The following CDHR2 variants were observed in gnomAD, a reference collection of about 807,000 sequenced individuals.
CDHR2 encodes cadherin-related family member 2.
In CDHR2, 104 loss-of-function variants were observed where a neutral mutation model predicts 138.6. The ratio of observed to expected loss-of-function variants is 0.75; its 90% CI spans 0.64 to 0.88. CDHR2 has a LOEUF of 0.88. Among genes scored for constraint, CDHR2 ranks in the 40% least tolerant of loss-of-function variants. CDHR2 has a pLI of 0.00. For missense variants in CDHR2, 1,624 were observed against 1,727.6 expected (o/e 0.94, Z 1.06); for synonymous variants, 755 against 742.8 (o/e 1.02, Z -0.27).
intron 16 of CDHR2, 61 bp from the exon 17 acceptor site, chr5:176,581,282 C>T (rs965709291): frequency 3.1e-5 from 49 of 1,596,398 alleles, no homozygotes; most frequent in Non-Finnish European, 3.7e-5. Context: ...CCGGCTGCAT[C>T]GGAGGGGCTG....
At position 176,577,638 on chromosome 5, in the gene CDHR2, T is replaced by C. The variant is rs764731410; in HGVS notation, c.1352T>C (p.Val451Ala). Residue 451 changes from valine (V) to alanine (A), a missense_variant and splice_region_variant, in exon 14 of 32, where the codon GTT becomes GCT. Val to Ala is a moderately conservative substitution (Grantham distance 64, BLOSUM62 0). Transcript: ENST00000261944. The part of the protein sequence containing the change: ...YERQTAMAVQ[V>A]VATDSVSQNF... Reference sequence around the variant, plus strand: ...TGCTGCCTCCTCCCCTGCCCCCAGGTTGTGGCCACAGACTCCGTCAGCCAG... The same window carrying C: ...TGCTGCCTCCTCCCCTGCCCCCAGGCTGTGGCCACAGACTCCGTCAGCCAG... 7.4e-6 allele frequency: 12 copies of C among 1,614,002 alleles called. No individual in the cohort carries two copies. The Admixed American group carries it at 1.0e-4, about 13-fold the overall frequency.
At chr5:176,586,292 T>C (rs1306678103) in intron 20 of CDHR2, among the ~76,000 whole-genome samples, 4 of 152,132 alleles carry the variant, frequency 2.6e-5, no homozygotes, top group African/African-American at 9.7e-5. Flanking sequence ...GCCTCCCAGG[T>C]TCAAGCAATT....
chr5:176,578,613 G>A lies in CDHR2; in HGVS notation c.1818+5G>A, dbSNP rs778488703. On this transcript the variant is annotated splice_donor_5th_base_variant and intron_variant, in intron 16 of 31. Transcript: ENST00000261944. ...AATGTCTCCGTGACCATCCAGGTGT[G>A]AGCCTGCCTGGACCTGGTGGGTAAG... is the stretch of plus-strand genomic sequence containing the variant. The A allele has an allele frequency of 2.5e-6, 4 of 1,608,352 alleles. No individual in the cohort carries two copies. The East Asian group carries it at 6.7e-5, about 27-fold the overall frequency.
At position 176,589,370 on chromosome 5, in the gene CDHR2, C is replaced by A. The variant is rs1482591640; in HGVS notation, c.3049C>A (p.Gln1017Lys). Residue 1017 changes from glutamine (Q) to lysine (K), a missense_variant, in exon 23 of 32, where the codon CAA becomes AAA. Physicochemically the swap from Gln to Lys is moderately conservative, Grantham distance 53 (BLOSUM62 1). Coordinates refer to ENST00000261944, the MANE Select transcript of CDHR2 (RefSeq NM_017675.6). The part of the protein sequence containing the change: ...SLDSTLQGTY[Q>K]VTVQARDRPS... The stretch of plus-strand genomic sequence containing the variant: ...CGACTCCACTCTCCAAGGCACCTAC[C>A]AAGTGACAGTCCAGGCCAGGGACAG... 1.3e-6 allele frequency: 2 copies of A among 1,559,666 alleles called. No individual in the cohort carries two copies. The highest frequency in any genetic ancestry group is 4.5e-5 in the East Asian group (2 of 44,484).
rs1390736724 is a variant in CDHR2 at position 176,553,309 on chromosome 5, C to G, written c.-16+3895C>G. 6.6e-6 allele frequency among the ~76,000 whole-genome samples: 1 copy of G among 152,204 alleles called. No homozygotes were observed. The highest frequency in any genetic ancestry group is 1.5e-5 in the Non-Finnish European group (1 of 68,034). On this transcript the variant is annotated intron_variant, in intron 1 of 31. Transcript: ENST00000261944. The surrounding 1 kb of genome is among the most constrained non-coding windows in gnomAD (Gnocchi z 4.3). The stretch of plus-strand genomic sequence containing the variant: ...TACTGGCTGGGCCGCGCCCTTTCCC[C>G]TCTTGGACGTCAGTTTGCTGAGGAC...
At chr5:176,593,192 G>C (rs1007775417) in intron 31 of CDHR2, among the ~76,000 whole-genome samples, 11 of 152,240 alleles carry the variant, frequency 7.2e-5, no homozygotes, top group African/African-American at 2.7e-4. Flanking sequence ...GTCTAGCAAA[G>C]GAGAGAAGAT....
intron 16 of CDHR2, among the ~76,000 whole-genome samples, chr5:176,579,928 T>A (rs911861510): frequency 1.3e-5 from 2 of 152,118 alleles, no homozygotes; most frequent in Non-Finnish European, 2.9e-5. Context: ...CTGTGCTATG[T>A]TGAGGCCCAG....
upstream of CDHR2, among the ~76,000 whole-genome samples, chr5:176,549,024 G>A (rs569869174): frequency 6.6e-6 from 1 of 152,318 alleles, no homozygotes; most frequent in Non-Finnish European, 1.5e-5. Context: ...ACTCGTAGCA[G>A]GGAGGGGACG....
At chr5:176,588,616 TAA>T (rs1758748451) in intron 21 of CDHR2, among the ~76,000 whole-genome samples, 1 of 140,914 alleles carries the variant, frequency 7.1e-6, no homozygotes, top group Non-Finnish European at 1.5e-5. Flanking sequence ...CATATGTGTG[TAA>T]GTGTGTGTTA....
chr5:176,594,744 G>A (rs140848609), intron 31 of CDHR2, among the ~76,000 whole-genome samples: 3 of 152,334 alleles, frequency 2.0e-5, no homozygotes, highest in African/African-American at 7.2e-5. Context: ...AGCCCTTGGA[G>A]TGCCCTGGGG....
intron 3 of CDHR2, among the ~76,000 whole-genome samples, chr5:176,566,694 A>G (rs896519015): frequency 6.6e-6 from 1 of 152,224 alleles, no homozygotes; most frequent in African/African-American, 2.4e-5. Flanking sequence ...CTCAGACGAG[A>G]AACCATTCCA....
chr5:176,558,772 G>A (rs1382166454), intron 1 of CDHR2, among the ~76,000 whole-genome samples: 9 of 149,744 alleles, frequency 6.0e-5, no homozygotes, highest in Admixed American at 2.0e-4. Context: ...CGCCCACCTC[G>A]GCCTCCCAAA....
upstream of CDHR2, among the ~76,000 whole-genome samples, chr5:176,545,445 A>C (rs572759305): frequency 6.6e-6 from 1 of 152,260 alleles, no homozygotes; most frequent in Non-Finnish European, 1.5e-5. Context: ...CTCGGCCGAG[A>C]AGTTTTTCTG....
At position 176,593,434 on chromosome 5, in the gene CDHR2, G is replaced by A. The variant is rs947146232; in HGVS notation, c.3792+654G>A. Reference sequence around the variant, plus strand: ...TGGGCATGGACCTGTTGTAAAAGCCGCTCAGGGGGTGCTAAGGTGCAGGCA... The same window carrying A: ...TGGGCATGGACCTGTTGTAAAAGCCACTCAGGGGGTGCTAAGGTGCAGGCA... On this transcript the variant is annotated intron_variant, in intron 31 of 31. Transcript: ENST00000261944. 5.9e-5 allele frequency among the ~76,000 whole-genome samples: 9 copies of A among 152,180 alleles called. No individual in the cohort carries two copies. The South Asian group carries it at 1.2e-3, about 21-fold the overall frequency.
intron 6 of CDHR2, among the ~76,000 whole-genome samples, chr5:176,572,725 C>G (rs371149580): frequency 1.3e-5 from 2 of 152,214 alleles, no homozygotes; most frequent in Admixed American, 1.3e-4. Context: ...CCTGCAAAGA[C>G]CTTCCAGGTG....
At chr5:176,594,469 A>T (rs758934518) in intron 31 of CDHR2, among the ~76,000 whole-genome samples, 26 of 152,290 alleles carry the variant, frequency 1.7e-4, no homozygotes, top group Non-Finnish European at 3.5e-4. Flanking sequence ...TAACCTCCCC[A>T]AGTAACCAGC....
chr5:176,543,040 C>A lies in CDHR2; in HGVS notation c.-16+271C>A, dbSNP rs1313972595. On this transcript the variant is annotated intron_variant, in intron 1 of 31. Transcript: ENST00000510636. This position sits in a 1 kb window ranked among gnomAD's most constrained non-coding sequence, Gnocchi z 4.0. ...CGGGGGCTCGGAGTTCCCCGGGGCT[C>A]CCCGAGTTGGGGCGTTTGGACCTAG... Among the ~76,000 whole-genome samples, 1 of 151,978 alleles carries A rather than the reference C, an allele frequency of 6.6e-6. No homozygotes were observed. Among genetic ancestry groups the A allele is most frequent in the Non-Finnish European group, 1.5e-5 (1 of 67,952 alleles).
chr5:176,592,926 T>G (rs1396787313), intron 31 of CDHR2, 146 bp downstream of exon 31: 2 of 717,134 alleles, frequency 2.8e-6, no homozygotes, highest in African/African-American at 3.5e-5. Context: ...GGCTTTGGAA[T>G]GGGGTCCAAT....
At position 176,595,706 on chromosome 5, in the gene CDHR2, G is replaced by A. The variant is rs1158725385; in HGVS notation, c.*34G>A. On this transcript the variant is annotated 3_prime_UTR_variant, in exon 32 of 32. Transcript: ENST00000261944. The stretch of plus-strand genomic sequence containing the variant: ...CCCACTCTTCTGGACCCCTTGAAGA[G>A]GCCCTACCACACCCTAACTGCACCT... 1 of 1,504,966 alleles carries A rather than the reference G, an allele frequency of 6.6e-7. No individual in the cohort carries two copies. Among genetic ancestry groups the A allele is most frequent in the South Asian group, 1.3e-5 (1 of 76,064 alleles). The allele number at this position is 1,504,966 out of a possible 1,614,324, so 93.2% of individuals were successfully genotyped here.
Sources: gnomAD v4.1 joint callset for allele counts (sites outside exome capture counted in the v4.1 genomes callset) on GRCh38, gnomAD v4.1.1 for gene constraint, Gnocchi (gnomAD v3.1) non-coding constraint, MANE v1.5 for transcripts, NCBI Gene and HGNC (gene_info 2026-07-23, HGNC 2026-07-21) for gene names.